Variants in UNC80 observed in about 807,000 individuals in gnomAD.
UNC80 encodes unc-80 subunit of NALCN channel complex, also known as protein unc-80 homolog.
A neutral mutation model predicts 384.6 loss-of-function variants in UNC80; 164 were observed. That is an observed-to-expected ratio of 0.43 (90% CI 0.38 to 0.49). The LOEUF (loss-of-function observed/expected upper bound fraction) is 0.49. Among genes scored for constraint, UNC80 ranks in the 20% least tolerant of loss-of-function variants. UNC80 has a pLI of 0.00. For synonymous variants in UNC80, 1,486 were observed against 1,527.8 expected, an observed-to-expected ratio of 0.97 and a Z score of 0.64; for missense variants, 3,330 against 4,143.0, an observed-to-expected ratio of 0.80 and a Z score of 5.39.
At chr2:209,856,968 T>C (rs1321754387) in intron 22 of UNC80, among the ~76,000 whole-genome samples, 4 of 151,916 alleles carry the variant, frequency 2.6e-5, no homozygotes, top group African/African-American at 9.7e-5. Context: ...TTTTGTATTT[T>C]TAGTAGAGAA....
intron 46 of UNC80, 26 bp from the exon 47 acceptor site, chr2:209,945,821 T>C (rs372036260): frequency 2.7e-6 from 4 of 1,498,452 alleles, no homozygotes. Context: ...ACTCTGATAG[T>C]TTGCCTTTAC....
At chr2:209,911,609 A>G (rs1046052232) in intron 29 of UNC80, among the ~76,000 whole-genome samples, 3 of 152,196 alleles carry the variant, frequency 2.0e-5, no homozygotes, top group South Asian at 2.1e-4. Context: ...CCATAACACT[A>G]TGAAGCTCTG....
At chr2:209,855,230 G>A (rs940172470) in intron 22 of UNC80, among the ~76,000 whole-genome samples, 5 of 152,144 alleles carry the variant, frequency 3.3e-5, no homozygotes, top group African/African-American at 1.2e-4. Context: ...TCACTTATAA[G>A]TGGGAGCTGA....
chr2:209,786,984 T>C (rs2077471725), intron 5 of UNC80, among the ~76,000 whole-genome samples: 1 of 2,054 alleles, frequency 4.9e-4, no homozygotes, highest in Non-Finnish European at 0.014. Flanking sequence ...CAGAAGCATA[T>C]ATATATATAT....
intron 21 of UNC80, among the ~76,000 whole-genome samples, chr2:209,848,862 C>G (rs932107852): frequency 6.6e-6 from 1 of 151,970 alleles, no homozygotes; most frequent in Non-Finnish European, 1.5e-5. Context: ...AAACCCAGGC[C>G]CATAACTGTA....
intron 29 of UNC80, among the ~76,000 whole-genome samples, chr2:209,905,352 C>T (rs2088060966): frequency 6.6e-6 from 1 of 152,128 alleles, no homozygotes; most frequent in Non-Finnish European, 1.5e-5. Flanking sequence ...TTACAGTGGG[C>T]ATCCAGCTGT....
At chr2:209,791,487 T>G (rs2077794742) in intron 6 of UNC80, among the ~76,000 whole-genome samples, 1 of 151,816 alleles carries the variant, frequency 6.6e-6, no homozygotes, top group Non-Finnish European at 1.5e-5. Context: ...CATTTTAGCC[T>G]CCAAATCCTT....
chr2:209,988,103 A>T (rs1000150630), intron 61 of UNC80, among the ~76,000 whole-genome samples: 1 of 152,164 alleles, frequency 6.6e-6, no homozygotes, highest in Non-Finnish European at 1.5e-5. Context: ...TTTAAACAAT[A>T]ATCTTTTATT....
intron 16 of UNC80, among the ~76,000 whole-genome samples, chr2:209,833,128 C>T (rs921530129): frequency 2.6e-5 from 4 of 152,128 alleles, no homozygotes; most frequent in African/African-American, 7.2e-5. Context: ...GTTCTCCATC[C>T]GTGTTTTCTC....
intron 8 of UNC80, among the ~76,000 whole-genome samples, chr2:209,814,884 T>C (rs7574101): frequency 0.47 from 71,823 of 151,878 alleles, 18,711 homozygotes; most frequent in Non-Finnish European, 0.58. Flanking sequence ...AAAGGAAATA[T>C]AATCTGTTTT....
At chr2:209,810,652 A>T (rs901885808) in intron 7 of UNC80, among the ~76,000 whole-genome samples, 1 of 151,946 alleles carries the variant, frequency 6.6e-6, no homozygotes, top group African/African-American at 2.4e-5. Context: ...AATTTATGGA[A>T]CTCCCTAATC....
chr2:209,963,277 T>C (rs578002558), intron 51 of UNC80, among the ~76,000 whole-genome samples: 2 of 152,306 alleles, frequency 1.3e-5, no homozygotes, highest in South Asian at 4.1e-4. Context: ...CTTTCTCTCT[T>C]TCTCTTTTCC....
At chr2:209,934,647 T>C (rs1449166208) in intron 39 of UNC80, among the ~76,000 whole-genome samples, 1 of 152,210 alleles carries the variant, frequency 6.6e-6, no homozygotes, top group Non-Finnish European at 1.5e-5. Flanking sequence ...AAAAAGCCTG[T>C]GTTTAAATCA....
chr2:209,866,683 TC>T (rs1298956449), intron 22 of UNC80, among the ~76,000 whole-genome samples: 2 of 152,228 alleles, frequency 1.3e-5, no homozygotes, highest in Non-Finnish European at 2.9e-5. Context: ...GTTTTAAGTT[TC>T]AAGTACTACA....
At chr2:209,990,294 T>G (rs889724469) in intron 61 of UNC80, among the ~76,000 whole-genome samples, 2 of 152,304 alleles carry the variant, frequency 1.3e-5, no homozygotes, top group East Asian at 3.9e-4. Context: ...GCCCTATTAT[T>G]TTCAAAACAT....
Position 209,815,369 on chromosome 2 carries a change from T to G in UNC80, c.1313T>G (p.Leu438Arg). The G allele has an allele frequency of 6.4e-7, 1 of 1,551,296 alleles. No homozygotes were observed. The highest frequency in any genetic ancestry group is 8.7e-7 in the Non-Finnish European group (1 of 1,146,850). ...GCAGTCCCAGATCTTTCTTCAGACC[T>G]GGGCATGAATATTTTTAAAAAGGTG... Reference protein sequence around the residue: ...RSAVPDLSSDLGMNIFKKFKS... With the variant: ...RSAVPDLSSDRGMNIFKKFKS... Residue 438 changes from leucine (L) to arginine (R), a missense_variant, in exon 9 of 65, where the codon CTG becomes CGG. Leu to Arg is a moderately radical substitution (Grantham distance 102). Coordinates refer to ENST00000673920, the MANE Select transcript of UNC80 (RefSeq NM_001371986.1).
At chr2:209,783,942 C>T (rs1337433940) in intron 4 of UNC80, among the ~76,000 whole-genome samples, 1 of 152,120 alleles carries the variant, frequency 6.6e-6, no homozygotes, top group African/African-American at 2.4e-5. Flanking sequence ...CTCTTAACTC[C>T]ACAGCTGTCT....
At chr2:209,808,767 T>TTCTGCGCTGCTCAGCGACCTCGTTGCC (rs2079104297) in intron 7 of UNC80, 2 of 59,248 alleles carry the variant, frequency 3.4e-5, no homozygotes, top group East Asian at 1.0e-3. Flanking sequence ...CCTGCGCTAC[T>TTCTGCGCTGCTCAGCGACCTCGTTGCC]TCTGCGCTAC....
rs1028905568 is a variant in UNC80, at chr2:209,839,782, T to C, written c.3250+352T>C. Among the ~76,000 whole-genome samples, 6 of 152,156 alleles carry C rather than the reference T, an allele frequency of 3.9e-5. No homozygotes were observed. Among genetic ancestry groups the C allele is most frequent in the Admixed American group, 2.6e-4 (4 of 15,284 alleles). The stretch of plus-strand genomic sequence containing the variant: ...ATGAATTTTATGAAGGAAATATACA[T>C]AGTTCTACGAAAGCATGCAACAATG... On this transcript the variant is annotated intron_variant, in intron 19 of 64. Coordinates refer to ENST00000673920, the MANE Select transcript of UNC80 (RefSeq NM_001371986.1). The surrounding 1 kb of genome is among the most constrained non-coding windows in gnomAD (Gnocchi z 4.1).
Sources: allele counts gnomAD v4.1 joint callset (sites outside exome capture counted in the v4.1 genomes callset), GRCh38; gene constraint gnomAD v4.1.1; non-coding constraint Gnocchi (gnomAD v3.1); transcripts MANE v1.5; gene names NCBI Gene and HGNC (gene_info 2026-07-23, HGNC 2026-07-21).